The following MME variants were observed in gnomAD, a reference collection of about 807,000 sequenced individuals.
MME encodes the protein membrane metalloendopeptidase, also known as neprilysin.
MME carries 98 observed loss-of-function variants against 113.2 expected under a neutral mutation model. The observed-to-expected ratio is 0.87, with a 90% CI of 0.74 to 1.02. The LOEUF (loss-of-function observed/expected upper bound fraction) is 1.02. Ranked by LOEUF, MME falls within the 50% of genes least tolerant of loss-of-function variation. The probability of loss-of-function intolerance (pLI) is 0.00; values close to 1 mark genes in which losing one functional copy is unlikely to be tolerated. For synonymous variants in MME, 292 were observed against 300.6 expected (o/e 0.97, Z 0.30); for missense variants, 836 against 896.0 (o/e 0.93, Z 0.86).
At chr3:155,085,242 A>G (rs1715577077) in intron 3 of MME, 148 bp downstream of exon 3, 2 of 536,768 alleles carry the variant, frequency 3.7e-6, no homozygotes, top group Non-Finnish European at 6.6e-6. Flanking sequence ...GGAAATAAAA[A>G]TATATTTAAG....
At chr3:155,063,718 T>C (rs891134223) in intron 1 of MME, among the ~76,000 whole-genome samples, 6 of 137,488 alleles carry the variant, frequency 4.4e-5, no homozygotes, top group African/African-American at 1.6e-4. Context: ...TTATATTATA[T>C]ATACCATTGC....
intron 3 of MME, among the ~76,000 whole-genome samples, chr3:155,109,813 TA>T (rs1288460473): frequency 6.6e-6 from 1 of 152,214 alleles, no homozygotes; most frequent in African/African-American, 2.4e-5. Context: ...AGTACTGTCC[TA>T]AAACATATTT....
At chr3:155,110,012 G>C (rs1048849197) in intron 3 of MME, among the ~76,000 whole-genome samples, 1 of 152,214 alleles carries the variant, frequency 6.6e-6, no homozygotes, top group Non-Finnish European at 1.5e-5. Context: ...GACTCTCCAA[G>C]TCCTCAAGCT....
chr3:155,120,675 C>A (rs1250564692), intron 8 of MME, among the ~76,000 whole-genome samples: 1 of 18,394 alleles, frequency 5.4e-5, no homozygotes, highest in Admixed American at 7.3e-4. Flanking sequence ...AATAGGGAAT[C>A]CTTTCCCCAT....
At chr3:155,162,736 G>A (rs1366879606) in intron 17 of MME, among the ~76,000 whole-genome samples, 2 of 152,032 alleles carry the variant, frequency 1.3e-5, no homozygotes, top group East Asian at 3.9e-4. Flanking sequence ...ATGTGGGCTG[G>A]GTGTGGTGGC....
chr3:155,149,740 G>A (rs192110639), intron 16 of MME, among the ~76,000 whole-genome samples: 24 of 152,090 alleles, frequency 1.6e-4, no homozygotes, highest in Non-Finnish European at 2.9e-4. Context: ...CCAAGTACAG[G>A]TTGGACAAAA....
intron 16 of MME, among the ~76,000 whole-genome samples, chr3:155,156,922 G>A (rs1396999520): frequency 3.9e-5 from 6 of 152,074 alleles, no homozygotes; most frequent in Admixed American, 1.3e-4. Context: ...AATCTAGTGG[G>A]CTTATAATAC....
At chr3:155,085,758 T>C (rs1715647479) in intron 3 of MME, 1 of 152,426 alleles carries the variant, frequency 6.6e-6, no homozygotes, top group Non-Finnish European at 1.5e-5. Context: ...TTCGAACTCC[T>C]GCCCTCAGGT....
At chr3:155,069,824 T>C (rs1714495835) in intron 1 of MME, among the ~76,000 whole-genome samples, 1 of 152,202 alleles carries the variant, frequency 6.6e-6, no homozygotes, top group Non-Finnish European at 1.5e-5. Flanking sequence ...GCTATTTTAA[T>C]ATCCTAGTAC....
Position 155,085,067 on chromosome 3 carries a change from T to C in MME, c.169T>C (p.Cys57Arg). Residue 57 changes from cysteine (C) to arginine (R), a missense_variant, in exon 3 of 23, where the codon TGC becomes CGC. By Grantham distance (180) the Cys-to-Arg change is radical (BLOSUM62 -3). Transcript: ENST00000360490. ...TTCTCTCCTTTTTCTAGATGGTATTTGCAAGTCATCAGACTGCATAAAATC... is the reference window on the plus strand; with the variant it reads ...TTCTCTCCTTTTTCTAGATGGTATTCGCAAGTCATCAGACTGCATAAAATC... ...ALYATYDDGI[C>R]KSSDCIKSAA... 1 of 1,589,406 alleles carries C rather than the reference T, an allele frequency of 6.3e-7. No individual in the cohort carries two copies. Among genetic ancestry groups the C allele is most frequent in the Non-Finnish European group, 8.6e-7 (1 of 1,161,576 alleles).
At chr3:155,153,673 T>C (rs1337886194) in intron 16 of MME, among the ~76,000 whole-genome samples, 1 of 152,164 alleles carries the variant, frequency 6.6e-6, no homozygotes, top group Non-Finnish European at 1.5e-5. Context: ...TGTTTGTGAA[T>C]CATAACTGTT....
intron 1 of MME, among the ~76,000 whole-genome samples, chr3:155,083,374 A>G (rs1367446806): frequency 6.6e-6 from 1 of 152,184 alleles, no homozygotes; most frequent in Non-Finnish European, 1.5e-5. Context: ...GAATACAGGT[A>G]TGTTTTTGCA....
chr3:155,111,581 A>G (rs1718192569), intron 3 of MME, among the ~76,000 whole-genome samples: 1 of 152,206 alleles, frequency 6.6e-6, no homozygotes, highest in Non-Finnish European at 1.5e-5. Context: ...GAGAATTTGC[A>G]CTCATGATCA....
chr3:155,030,444 C>G (rs1433663317), intron 1 of MME, among the ~76,000 whole-genome samples: 2 of 152,112 alleles, frequency 1.3e-5, no homozygotes, highest in Admixed American at 1.3e-4. Flanking sequence ...TTATTGACTT[C>G]AGGGTGTAGC....
At chr3:155,143,326 G>A in intron 12 of MME, 117 bp from the exon 13 acceptor site, 4 of 1,183,168 alleles carry the variant, frequency 3.4e-6, no homozygotes, top group Admixed American at 3.5e-5. Context: ...TGGGCCTTGT[G>A]AGGAGAAGTG....
At chr3:155,170,242 G>A (rs1008102505) in intron 20 of MME, among the ~76,000 whole-genome samples, 4 of 151,902 alleles carry the variant, frequency 2.6e-5, no homozygotes, top group African/African-American at 4.8e-5. Flanking sequence ...ATGGGATTTC[G>A]CCATGTTGGC....
At chr3:155,042,801 A>AG (rs1713371979) in intron 1 of MME, among the ~76,000 whole-genome samples, 1 of 149,580 alleles carries the variant, frequency 6.7e-6, no homozygotes, top group African/African-American at 2.4e-5. Context: ...TTTTTCTGTC[A>AG]AGTGTTTATC....
At chr3:155,118,906 C>G (rs1718857530) in intron 8 of MME, 95 bp downstream of exon 8, 1 of 833,996 alleles carries the variant, frequency 1.2e-6, no homozygotes, top group African/African-American at 1.7e-5. Context: ...AAATTTAGCC[C>G]TCTGATGTTT....
intron 1 of MME, among the ~76,000 whole-genome samples, chr3:155,061,213 G>A (rs1714125431): frequency 6.6e-6 from 1 of 152,166 alleles, no homozygotes; most frequent in African/African-American, 2.4e-5. Flanking sequence ...AGCACTTTGG[G>A]AGGCCGAGGT....
Sources: allele counts gnomAD v4.1 joint callset (sites outside exome capture counted in the v4.1 genomes callset), GRCh38; gene constraint gnomAD v4.1.1; transcripts MANE v1.5; gene names NCBI Gene and HGNC (gene_info 2026-07-23, HGNC 2026-07-21).